DNAJC13: variants seen among roughly 807,000 people sequenced by gnomAD.
DNAJC13 encodes the protein DnaJ heat shock protein family (Hsp40) member C13.
In DNAJC13, 75 loss-of-function variants were observed where a neutral mutation model predicts 290.5. The observed-to-expected ratio is 0.26, with a 90% confidence interval of 0.21 to 0.31. The LOEUF (loss-of-function observed/expected upper bound fraction) is 0.31. Ranked by LOEUF, DNAJC13 falls within the 10% of genes least tolerant of loss-of-function variation. DNAJC13 has a pLI of 1.00. For synonymous variants in DNAJC13, 862 were observed against 892.0 expected (o/e 0.97, Z 0.60); for missense variants, 2,260 against 2,674.5 (o/e 0.85, Z 3.42).
chr3:132,499,145 T>C lies in DNAJC13; in HGVS notation c.4176T>C (p.Tyr1392=), dbSNP rs746486346. 2 of 1,605,658 alleles carry C rather than the reference T, an allele frequency of 1.2e-6. No homozygotes were observed. The highest frequency in any genetic ancestry group is 1.7e-5 in the Admixed American group (1 of 58,910). The change falls in exon 37 of 56, where the codon TAT becomes TAC. Residue 1392 remains tyrosine (Y), a synonymous_variant. Transcript: ENST00000260818. ...TTTCAGATTTACAGCCTTATAAATATGCAGGATACCCCATGCTTATTCGGA... is the reference window on the plus strand; with the variant it reads ...TTTCAGATTTACAGCCTTATAAATACGCAGGATACCCCATGCTTATTCGGA... ...RHKEDLQPYK[Y]AGYPMLIRTI...
intron 1 of DNAJC13, among the ~76,000 whole-genome samples, chr3:132,433,951 C>T (rs538260861): frequency 1.3e-5 from 2 of 152,260 alleles, no homozygotes; most frequent in South Asian, 4.1e-4. Flanking sequence ...CTGTGGCTCA[C>T]GCCTGTAATC....
At position 132,538,490 on chromosome 3, in the gene DNAJC13, G is replaced by A. The variant is rs1192487226; in HGVS notation, c.*208G>A. ...GCACTCTGTGGATCAACATAAGTGG[G>A]TACACAAGAATTTTTTTTTTCTTGG... On this transcript the variant is annotated 3_prime_UTR_variant, in exon 56 of 56. Transcript: ENST00000260818. The A allele has an allele frequency of 9.6e-6, 4 of 417,244 alleles. No individual in the cohort carries two copies. Among genetic ancestry groups the A allele is most frequent in the South Asian group, 1.2e-4 (2 of 16,352 alleles). 25.8% of individuals were successfully genotyped at this position (417,244 alleles called of 1,614,324 possible). A position where few individuals can be genotyped will look rare whatever the true frequency, so the allele number is the denominator to read the frequency against.
chr3:132,498,840 C>T (rs913795645), intron 36 of DNAJC13, among the ~76,000 whole-genome samples: 13 of 152,064 alleles, frequency 8.5e-5, no homozygotes, highest in African/African-American at 2.9e-4. Flanking sequence ...CTCAGCCTCC[C>T]GAGTAGCTGG....
rs1170325569 is a variant in DNAJC13 at position 132,503,282 on chromosome 3, A to G, written c.4785A>G (p.Glu1595=). 6.2e-7 allele frequency: 1 copy of G among 1,614,036 alleles called. No individual in the cohort carries two copies. The highest frequency in any genetic ancestry group is 8.5e-7 in the Non-Finnish European group (1 of 1,179,998). The change falls in exon 41 of 56, where the codon GAA becomes GAG. Residue 1595 remains glutamate, a synonymous_variant. Transcript: ENST00000260818. ...ALSRLGGYLA[E]EQATPENPTI... ...GTCGCCTTGGAGGGTATTTGGCTGA[A>G]GAACAAGCAACTCCAGAAAATCCAA...
intron 2 of DNAJC13, among the ~76,000 whole-genome samples, chr3:132,441,981 A>G (rs981432349): frequency 5.3e-5 from 8 of 151,790 alleles, no homozygotes; most frequent in Non-Finnish European, 1.2e-4. Flanking sequence ...ATAGTACCTA[A>G]TAGAGTATCT....
rs1432357173 is a variant in DNAJC13, at chr3:132,522,895, C to T, written c.5741C>T (p.Ala1914Val). The T allele has an allele frequency of 6.2e-7, 1 of 1,613,494 alleles. No homozygotes were observed. The highest frequency in any genetic ancestry group is 8.5e-7 in the Non-Finnish European group (1 of 1,179,690). The change falls in exon 49 of 56, where the codon GCT (alanine) becomes GTT (valine). Residue 1914 changes from alanine to valine, a missense_variant. By Grantham distance (64) the Ala-to-Val change is moderately conservative (BLOSUM62 0). Around this residue, in one of 3 missense-constraint regions of DNAJC13, gnomAD observed 1,494 missense variants for 1,693.7 expected, o/e 0.88. Transcript: ENST00000260818. Reference protein sequence around the residue: ...FMDAMRDNPEAAVHIFEGTHE... With the variant: ...FMDAMRDNPEVAVHIFEGTHE... ...GATGCTATGAGAGACAATCCTGAAG[C>T]TGCTGTACATATTTTTGAAGGAACT...
chr3:132,443,227 A>G (rs1432535602), intron 2 of DNAJC13, among the ~76,000 whole-genome samples: 1 of 152,164 alleles, frequency 6.6e-6, no homozygotes, highest in African/African-American at 2.4e-5. Flanking sequence ...ATCTTGGCTC[A>G]CTGCAGCCTC....
At chr3:132,449,366 A>T (rs1933353108) in intron 5 of DNAJC13, among the ~76,000 whole-genome samples, 2 of 152,274 alleles carry the variant, frequency 1.3e-5, no homozygotes, top group Non-Finnish European at 2.9e-5. Flanking sequence ...GGAATGGAGA[A>T]TATCCTATAT....
intron 4 of DNAJC13, among the ~76,000 whole-genome samples, 189 bp from the exon 5 acceptor site, chr3:132,447,709 A>T (rs1295458923): frequency 2.0e-5 from 3 of 152,096 alleles, no homozygotes; most frequent in African/African-American, 4.8e-5. Context: ...AAAGCATTGT[A>T]TGTTTATCTT....
intron 54 of DNAJC13, 50 bp from the exon 55 acceptor site, chr3:132,530,948 A>G: frequency 6.5e-7 from 1 of 1,539,234 alleles, no homozygotes; most frequent in Non-Finnish European, 8.9e-7. Flanking sequence ...TTTGTCTTCC[A>G]ACATCCAGTC....
At chr3:132,467,824 A>C (rs921394490) in intron 20 of DNAJC13, among the ~76,000 whole-genome samples, 2 of 152,140 alleles carry the variant, frequency 1.3e-5, no homozygotes, top group African/African-American at 2.4e-5. Flanking sequence ...TCATAGTTTT[A>C]TGAGTTGATG....
intron 55 of DNAJC13, among the ~76,000 whole-genome samples, chr3:132,531,535 C>T (rs1340808080): frequency 6.6e-6 from 1 of 152,182 alleles, no homozygotes; most frequent in Non-Finnish European, 1.5e-5. Flanking sequence ...CGGTGGCTCA[C>T]GCCTATAATC....
intron 38 of DNAJC13, 47 bp downstream of exon 38, chr3:132,499,855 G>A (rs1446652395): frequency 6.5e-7 from 1 of 1,529,840 alleles, no homozygotes; most frequent in Admixed American, 1.7e-5. Flanking sequence ...TAGTTCAATG[G>A]TTCAGACTTT....
At chr3:132,482,365 C>T (rs765939062) in intron 27 of DNAJC13, 35 bp downstream of exon 27, 5 of 1,554,498 alleles carry the variant, frequency 3.2e-6, no homozygotes, top group African/African-American at 1.4e-5. Context: ...GTGAAGGTCT[C>T]AGCATTTCTT....
rs1230248117 is a variant in DNAJC13 at position 132,507,232 on chromosome 3, A to T, written c.4999-5A>T. 1 of 1,574,598 alleles carries T rather than the reference A, an allele frequency of 6.4e-7. No homozygotes were observed. Among genetic ancestry groups the T allele is most frequent in the South Asian group, 1.1e-5 (1 of 89,068 alleles). On this transcript the variant is annotated splice_polypyrimidine_tract_variant and splice_region_variant and intron_variant, in intron 42 of 55. Transcript: ENST00000260818. ...TAACAGTCTATTTTTTCATCTTTTA[A>T]AAAGGGTGATTGTGACAAAACTTAT...
rs184727020 is a variant in DNAJC13 at position 132,428,891 on chromosome 3, C to T, written c.-13-5647C>T. On this transcript the variant is annotated intron_variant, in intron 1 of 55. Coordinates refer to ENST00000260818, the MANE Select transcript of DNAJC13 (RefSeq NM_015268.4). ...CTGGGATTACAGGCATTCTCCACCA[C>T]GCCTGGCTAATTTTTGTATTTTTAG... Among the ~76,000 whole-genome samples the T allele has an allele frequency of 8.2e-3, 1,233 of 150,654 alleles. 18 individuals carry two copies. The highest frequency in any genetic ancestry group is 0.029 in the African/African-American group (1,184 of 40,220).
chr3:132,441,041 T>C (rs373639989), intron 2 of DNAJC13, among the ~76,000 whole-genome samples: 1 of 152,230 alleles, frequency 6.6e-6, no homozygotes, highest in African/African-American at 2.4e-5. Flanking sequence ...TACTGGATTC[T>C]CAAGCTTTTA....
rs547546422 is a variant in DNAJC13 at position 132,481,924 on chromosome 3, C to T, written c.2875-302C>T. On this transcript the variant is annotated intron_variant, in intron 26 of 55. Coordinates refer to ENST00000260818, the MANE Select transcript of DNAJC13 (RefSeq NM_015268.4). ...TTTGCTACTAAAATCTTAGTGTCCT[C>T]GGTATTTATTAATGACCATGGGGAA... Among the ~76,000 whole-genome samples, 408 of 152,230 alleles carry T rather than the reference C, an allele frequency of 2.7e-3. 3 individuals are homozygous for T. Among genetic ancestry groups the T allele is most frequent in the Admixed American group, 6.1e-3 (93 of 15,284 alleles).
At chr3:132,432,063 T>G (rs890777866) in intron 1 of DNAJC13, among the ~76,000 whole-genome samples, 9 of 152,258 alleles carry the variant, frequency 5.9e-5, no homozygotes, top group African/African-American at 2.2e-4. Context: ...AAGTTTTTTC[T>G]AATTATGTAA....
Sources: gnomAD v4.1 joint callset for allele counts (sites outside exome capture counted in the v4.1 genomes callset) on GRCh38, gnomAD v4.1.1 for gene constraint, gnomAD v4.1.1 regional missense constraint, MANE v1.5 for transcripts, NCBI Gene and HGNC (gene_info 2026-07-23, HGNC 2026-07-21) for gene names.